Variants in VTI1A observed in about 807,000 individuals in gnomAD.
VTI1A encodes vesicle transport through interaction with t-SNAREs homolog 1A.
Under a neutral mutation model 34.9 loss-of-function variants are expected in VTI1A, and 22 were observed. That is an observed-to-expected ratio of 0.63 (90% CI 0.45 to 0.90). The LOEUF is 0.90. VTI1A is among the 40% of genes least tolerant of loss of function. The pLI is 0.00. For synonymous variants in VTI1A, 87 were observed against 97.3 expected, an observed-to-expected ratio of 0.89 and a Z score of 0.62; for missense variants, 268 against 275.6, an observed-to-expected ratio of 0.97 and a Z score of 0.20.
chr10:112,483,155 T>A (rs868091966), intron 3 of VTI1A, among the ~76,000 whole-genome samples: 11 of 152,140 alleles, frequency 7.2e-5, no homozygotes, highest in Admixed American at 3.3e-4. Flanking sequence ...TCCTGCTATA[T>A]CCAGATGCTT....
At chr10:112,795,069 T>G (rs1207806642) in intron 7 of VTI1A, among the ~76,000 whole-genome samples, 2 of 152,238 alleles carry the variant, frequency 1.3e-5, no homozygotes, top group Non-Finnish European at 2.9e-5. Context: ...TCCCTGACTT[T>G]AATCATAAAT....
intron 7 of VTI1A, among the ~76,000 whole-genome samples, chr10:112,807,007 G>A (rs1378451958): frequency 6.6e-6 from 1 of 152,212 alleles, no homozygotes; most frequent in Non-Finnish European, 1.5e-5. Context: ...CTCTGCTCAT[G>A]AATGGAATTC....
intron 7 of VTI1A, among the ~76,000 whole-genome samples, chr10:112,678,910 G>A (rs1469736710): frequency 1.3e-5 from 2 of 152,116 alleles, no homozygotes; most frequent in African/African-American, 4.8e-5. Context: ...CATCTTGCAG[G>A]GCAAGAAAAC....
chr10:112,734,005 G>A (rs1462011732), intron 7 of VTI1A, among the ~76,000 whole-genome samples: 1 of 152,080 alleles, frequency 6.6e-6, no homozygotes, highest in Non-Finnish European at 1.5e-5. Flanking sequence ...ACCCACCTCA[G>A]CCTCCCAAAG....
intron 3 of VTI1A, among the ~76,000 whole-genome samples, chr10:112,514,275 A>G (rs191987509): frequency 4.6e-5 from 7 of 151,912 alleles, no homozygotes; most frequent in African/African-American, 1.2e-4. Flanking sequence ...CATTTCTTCT[A>G]TTATCCAATT....
intron 7 of VTI1A, among the ~76,000 whole-genome samples, chr10:112,761,570 A>G (rs1266581256): frequency 6.6e-6 from 1 of 152,208 alleles, no homozygotes; most frequent in Non-Finnish European, 1.5e-5. Context: ...TTTTAAAAAA[A>G]TATTTACACA....
intron 3 of VTI1A, among the ~76,000 whole-genome samples, chr10:112,491,054 A>T (rs889765837): frequency 6.6e-5 from 10 of 151,576 alleles, no homozygotes; most frequent in African/African-American, 2.4e-4. Context: ...GGAATGTGAG[A>T]TCTGATCTTT....
chr10:112,578,126 A>G (rs2134389140), intron 5 of VTI1A, among the ~76,000 whole-genome samples: 1 of 152,342 alleles, frequency 6.6e-6, no homozygotes, highest in Non-Finnish European at 1.5e-5. Flanking sequence ...GGCCAGTGGC[A>G]TATAGGACAG....
At chr10:112,780,126 A>G (rs1430232484) in intron 7 of VTI1A, among the ~76,000 whole-genome samples, 1 of 150,906 alleles carries the variant, frequency 6.6e-6, no homozygotes, top group Non-Finnish European at 1.5e-5. Context: ...AAAAAAAAAA[A>G]AAAAAGCAAA....
chr10:112,587,804 T>A (rs979204468), intron 5 of VTI1A, among the ~76,000 whole-genome samples: 2 of 152,030 alleles, frequency 1.3e-5, no homozygotes, highest in Non-Finnish European at 2.9e-5. Flanking sequence ...GGGGAGAAAA[T>A]GACTTTTAGA....
At chr10:112,809,866 G>C (rs1447883273) in intron 7 of VTI1A, among the ~76,000 whole-genome samples, 4 of 152,172 alleles carry the variant, frequency 2.6e-5, no homozygotes. Flanking sequence ...GAGATGTGTA[G>C]GGAGATAGGA....
chr10:112,720,039 T>C (rs895136002), intron 7 of VTI1A, among the ~76,000 whole-genome samples: 1 of 152,270 alleles, frequency 6.6e-6, no homozygotes, highest in Non-Finnish European at 1.5e-5. Flanking sequence ...CTTAGCATAA[T>C]GTTTCAAATC....
At chr10:112,552,369 C>G (rs569034476) in intron 5 of VTI1A, among the ~76,000 whole-genome samples, 51 of 152,234 alleles carry the variant, frequency 3.4e-4, no homozygotes, top group Non-Finnish European at 6.8e-4. Context: ...TTTGAATTAT[C>G]TATGTAATGT....
At chr10:112,742,552 A>G (rs959074757) in intron 7 of VTI1A, among the ~76,000 whole-genome samples, 2 of 152,222 alleles carry the variant, frequency 1.3e-5, no homozygotes, top group African/African-American at 4.8e-5. Flanking sequence ...GTGTTCCACA[A>G]ATGTCTCGAA....
chr10:112,751,030 G>T (rs1164222407), intron 7 of VTI1A, among the ~76,000 whole-genome samples: 2 of 152,164 alleles, frequency 1.3e-5, no homozygotes, highest in Admixed American at 1.3e-4. Flanking sequence ...GTGTATGAAT[G>T]TGTGTTTTGT....
chr10:112,550,872 T>G (rs903629372), intron 5 of VTI1A, among the ~76,000 whole-genome samples: 1 of 152,186 alleles, frequency 6.6e-6, no homozygotes, highest in Non-Finnish European at 1.5e-5. Context: ...ACCATTACCC[T>G]CCACGTTGCT....
intron 5 of VTI1A, among the ~76,000 whole-genome samples, chr10:112,596,202 AC>A (rs1844636434): frequency 6.6e-6 from 1 of 151,868 alleles, no homozygotes; most frequent in South Asian, 2.1e-4. Context: ...TAGGAGATAT[AC>A]CTAATGCTAA....
intron 3 of VTI1A, among the ~76,000 whole-genome samples, chr10:112,521,242 A>T (rs1051779528): frequency 1.3e-5 from 2 of 152,008 alleles, no homozygotes; most frequent in African/African-American, 4.8e-5. Flanking sequence ...ATGCAGTAAA[A>T]TTTTTTACTA....
At chr10:112,675,767 C>T (rs1290005170) in intron 7 of VTI1A, among the ~76,000 whole-genome samples, 1 of 152,152 alleles carries the variant, frequency 6.6e-6, no homozygotes, top group Non-Finnish European at 1.5e-5. Context: ...TTTAATTACT[C>T]ATGTGAAATT....
Sources: gnomAD v4.1 joint callset for allele counts (sites outside exome capture counted in the v4.1 genomes callset) on GRCh38, gnomAD v4.1.1 for gene constraint, MANE v1.5 for transcripts, NCBI Gene and HGNC (gene_info 2026-07-23, HGNC 2026-07-21) for gene names.